IL7R: variants seen among roughly 807,000 people sequenced by gnomAD.
IL7R encodes the protein interleukin 7 receptor, also known as interleukin-7 receptor subunit alpha.
In IL7R, 38 loss-of-function variants were observed where a neutral mutation model predicts 47.0. The ratio of observed to expected loss-of-function variants is 0.81; its 90% CI spans 0.62 to 1.06. The LOEUF (loss-of-function observed/expected upper bound fraction) is 1.06. IL7R is among the 50% of genes least tolerant of loss of function. The pLI, the probability that IL7R is intolerant of heterozygous loss-of-function variation, is 0.00. For synonymous variants in IL7R, 221 were observed against 199.8 expected, an observed-to-expected ratio of 1.11 and a Z score of -0.89; for missense variants, 633 against 534.8, an observed-to-expected ratio of 1.18 and a Z score of -1.81.
At chr5:35,857,259 C>T (rs935773572) in intron 1 of IL7R, among the ~76,000 whole-genome samples, 200 bp downstream of exon 1, 1 of 151,896 alleles carries the variant, frequency 6.6e-6, no homozygotes, top group Non-Finnish European at 1.5e-5. Context: ...TTTATAAGAC[C>T]TCAGTATTCT....
chr5:35,875,337 T>C, intron 6 of IL7R, 175 bp from the exon 7 acceptor site: 1 of 672,686 alleles, frequency 1.5e-6, no homozygotes, highest in South Asian at 1.6e-5. Flanking sequence ...CTTGAATTGA[T>C]AGGGCCCCGA....
At chr5:35,872,761 C>T (rs6864736) in intron 4 of IL7R, among the ~76,000 whole-genome samples, 5,263 of 151,684 alleles carry the variant, frequency 0.035, 273 homozygotes, top group African/African-American at 0.12. Flanking sequence ...AATCAAAAAT[C>T]AAAAATGCAA....
chr5:35,861,123 C>T, intron 2 of IL7R, 133 bp downstream of exon 2: 1 of 937,048 alleles, frequency 1.1e-6, no homozygotes, highest in Non-Finnish European at 1.7e-6. Flanking sequence ...TTCCCAAAGG[C>T]CTCCTGAAAC....
intron 5 of IL7R, 52 bp from the exon 6 acceptor site, chr5:35,874,397 C>A: frequency 8.5e-7 from 1 of 1,173,126 alleles, no homozygotes; most frequent in Non-Finnish European, 1.3e-6. Flanking sequence ...TGAGACCCTA[C>A]CCCCACTGCA....
At chr5:35,871,260 T>A (rs201088820) in intron 4 of IL7R, 47 bp downstream of exon 4, 441 of 1,512,662 alleles carry the variant, frequency 2.9e-4, no homozygotes, top group Non-Finnish European at 3.8e-4. Context: ...ATGAATGTTT[T>A]CTATTTTGTT....
chr5:35,875,288 A>G, intron 6 of IL7R: 1 of 587,438 alleles, frequency 1.7e-6, no homozygotes, highest in Non-Finnish European at 3.1e-6. Context: ...TCTTGTTCAC[A>G]GAATGGATTG....
Position 35,878,671 on chromosome 5 carries a change from T to C in IL7R, c.*2185T>C. The C allele has an allele frequency of 4.3e-6, 1 of 232,702 alleles. No homozygotes were observed. The highest frequency in any genetic ancestry group is 8.5e-6 in the Non-Finnish European group (1 of 117,706). 14.4% of individuals were successfully genotyped at this position (232,702 alleles called of 1,614,324 possible). The stretch of plus-strand genomic sequence containing the variant: ...AATCTCATGCCAGGTCTCTGATACC[T>C]TATTCACAGAAGTTCTTTGAAGTAT... On this transcript the variant is annotated 3_prime_UTR_variant, in exon 8 of 8. Transcript: ENST00000303115.
Position 35,877,715 on chromosome 5 carries a change from G to A in IL7R, c.*1229G>A, listed in dbSNP as rs1760252211. The A allele has an allele frequency of 8.6e-6, 2 of 233,202 alleles. No individual in the cohort carries two copies. Among genetic ancestry groups the A allele is most frequent in the Non-Finnish European group, 1.7e-5 (2 of 118,056 alleles). 14.4% of individuals were successfully genotyped at this position (233,202 alleles called of 1,614,324 possible). On this transcript the variant is annotated 3_prime_UTR_variant, in exon 8 of 8. Transcript: ENST00000303115. ...AGTACATGCAATGAGTGAACTGACTGTGGCTACAATCTTGAAGATATACGG... is the reference window on the plus strand; with the variant it reads ...AGTACATGCAATGAGTGAACTGACTATGGCTACAATCTTGAAGATATACGG...
intron 1 of IL7R, among the ~76,000 whole-genome samples, chr5:35,858,504 T>G (rs1453591189): frequency 6.6e-6 from 1 of 152,196 alleles, no homozygotes; most frequent in Non-Finnish European, 1.5e-5. Context: ...ATTTAAATTT[T>G]TATGGATAAA....
intron 1 of IL7R, among the ~76,000 whole-genome samples, chr5:35,858,223 A>G (rs1759708868): frequency 6.6e-6 from 1 of 152,186 alleles, no homozygotes. Flanking sequence ...TTTCACTCCA[A>G]CTTTTTAAGT....
intron 4 of IL7R, among the ~76,000 whole-genome samples, chr5:35,872,059 C>T (rs552615120): frequency 1.1e-4 from 17 of 152,288 alleles, no homozygotes; most frequent in African/African-American, 3.9e-4. Context: ...CTCACCCACC[C>T]CACCCTTGAT....
At chr5:35,873,720 G>A in intron 5 of IL7R, 72 bp downstream of exon 5, 2 of 1,415,866 alleles carry the variant, frequency 1.4e-6, no homozygotes, top group Non-Finnish European at 2.0e-6. Context: ...CAAGTGAGAG[G>A]AAGATTGTTG....
rs1288671870 is a variant in IL7R, at chr5:35,856,969, T to G, written c.-9T>G. On this transcript the variant is annotated 5_prime_UTR_variant, in exon 1 of 8. Coordinates refer to ENST00000303115, the MANE Select transcript of IL7R (RefSeq NM_002185.5). ...CACACATCTACTCTCTCTCTCTATC[T>G]CTCTCAGAATGACAATTCTAGGTAC... The G allele has an allele frequency of 6.5e-7, 1 of 1,530,340 alleles. No individual in the cohort carries two copies. Among genetic ancestry groups the G allele is most frequent in the Admixed American group, 1.7e-5 (1 of 59,904 alleles). The allele number at this position is 1,530,340 out of a possible 1,614,324, so 94.8% of individuals were successfully genotyped here.
intron 4 of IL7R, among the ~76,000 whole-genome samples, chr5:35,871,654 T>A (rs1224098827): frequency 6.6e-6 from 1 of 152,172 alleles, no homozygotes; most frequent in Non-Finnish European, 1.5e-5. Flanking sequence ...ATGTTTGCCT[T>A]TGTTTTGTTT....
intron 3 of IL7R, among the ~76,000 whole-genome samples, chr5:35,869,453 CA>C (rs1161397138): frequency 6.6e-6 from 1 of 152,154 alleles, no homozygotes; most frequent in Non-Finnish European, 1.5e-5. Flanking sequence ...GGTAGAGAAA[CA>C]AAAGCTAAAT....
At position 35,874,435 on chromosome 5, in the gene IL7R, T is replaced by A. The variant is rs942085625; in HGVS notation, c.707-14T>A. On this transcript the variant is annotated splice_polypyrimidine_tract_variant and intron_variant, in intron 5 of 7. Transcript: ENST00000303115. The stretch of plus-strand genomic sequence containing the variant: ...GCTACTGAATGCTCACCACAATCTA[T>A]TCTTGCTTTCCAGGGGAGATGGATC... 2 of 1,575,690 alleles carry A rather than the reference T, an allele frequency of 1.3e-6. No individual in the cohort carries two copies. Among genetic ancestry groups the A allele is most frequent in the African/African-American group, 2.7e-5 (2 of 74,300 alleles).
rs777033414 is a variant in IL7R, at chr5:35,876,106, G to A, written c.1000G>A (p.Glu334Lys). Residue 334 changes from glutamate to lysine, a missense_variant, in exon 8 of 8, where the codon GAA (glutamate) becomes AAA (lysine). By Grantham distance (56) the Glu-to-Lys change is moderately conservative. Transcript: ENST00000303115. ...LQDTFPQQLEESEKQRLGGDV... is the reference protein window; with the variant it reads ...LQDTFPQQLEKSEKQRLGGDV... ...AGATACGTTTCCTCAGCAACTAGAAGAATCTGAGAAGCAGAGGCTTGGAGG... is the reference window on the plus strand; with the variant it reads ...AGATACGTTTCCTCAGCAACTAGAAAAATCTGAGAAGCAGAGGCTTGGAGG... 1 of 1,614,188 alleles carries A rather than the reference G, an allele frequency of 6.2e-7. No homozygotes were observed. Among genetic ancestry groups the A allele is most frequent in the Admixed American group, 1.7e-5 (1 of 60,018 alleles).
chr5:35,876,189 T>G lies in IL7R; in HGVS notation c.1083T>G (p.Phe361Leu). The G allele has an allele frequency of 6.2e-7, 1 of 1,614,178 alleles. No homozygotes were observed. Among genetic ancestry groups the G allele is most frequent in the Non-Finnish European group, 8.5e-7 (1 of 1,180,028 alleles). The change falls in exon 8 of 8, where the codon TTT becomes TTG. Residue 361 changes from phenylalanine to leucine, a missense_variant. Transcript: ENST00000303115. ...SEDVVITPES[F>L]GRDSSLTCLA... ...ATGTAGTCATCACTCCAGAAAGCTTTGGAAGAGATTCATCCCTCACATGCC... is the reference window on the plus strand; with the variant it reads ...ATGTAGTCATCACTCCAGAAAGCTTGGGAAGAGATTCATCCCTCACATGCC...
rs1024135525 is a variant in IL7R, at chr5:35,875,321, C to T, written c.801-191C>T. The T allele has an allele frequency of 1.2e-5, 8 of 653,888 alleles. No individual in the cohort carries two copies. The African/African-American group carries it at 1.3e-4, about 10-fold the overall frequency. 40.5% of individuals were successfully genotyped at this position (653,888 alleles called of 1,614,324 possible). On this transcript the variant is annotated intron_variant, in intron 6 of 7. Coordinates refer to ENST00000303115, the MANE Select transcript of IL7R (RefSeq NM_002185.5). Reference sequence around the variant, plus strand: ...TTGATATCTGTGGTCTCTGGTCCAACCCCTCCTTGAATTGATAGGGCCCCG... The same window carrying T: ...TTGATATCTGTGGTCTCTGGTCCAATCCCTCCTTGAATTGATAGGGCCCCG...
Sources: allele counts gnomAD v4.1 joint callset (sites outside exome capture counted in the v4.1 genomes callset), GRCh38; gene constraint gnomAD v4.1.1; transcripts MANE v1.5; gene names NCBI Gene and HGNC (gene_info 2026-07-23, HGNC 2026-07-21).